Variants in BCOR observed in about 807,000 individuals in gnomAD.
The protein encoded by BCOR is BCL-6 corepressor.
Under a neutral mutation model 86.7 loss-of-function variants are expected in BCOR, and 10 were observed. The observed-to-expected ratio is 0.12, with a 90% CI of 0.07 to 0.20. The LOEUF (loss-of-function observed/expected upper bound fraction) is 0.20. Among genes scored for constraint, BCOR ranks in the 10% least tolerant of loss-of-function variants. BCOR has a pLI of 1.00. For missense variants in BCOR, 1,259 were observed against 1,452.1 expected, an observed-to-expected ratio of 0.87 and a Z score of 2.16; for synonymous variants, 611 against 609.0, an observed-to-expected ratio of 1.00 and a Z score of -0.05.
chrX:40,161,506 CTTTTTTT>C (rs749528691), intron 1 of BCOR, among the ~76,000 whole-genome samples: 2 of 55,987 alleles, frequency 3.6e-5, no homozygotes, highest in Non-Finnish European at 3.1e-5. Flanking sequence ...CGATTCTCCC[CTTTTTTT>C]TTTTTTTTTT....
chrX:40,110,246 TA>T (rs1054938389), intron 1 of BCOR, among the ~76,000 whole-genome samples: 5 of 111,531 alleles, frequency 4.5e-5, no homozygotes, highest in Admixed American at 2.8e-4. Context: ...TATGGTCTAT[TA>T]GGGGAAGTAA....
At chrX:40,056,776 G>A (rs978188579) in intron 11 of BCOR, among the ~76,000 whole-genome samples, 3 of 111,282 alleles carry the variant, frequency 2.7e-5, no homozygotes, top group Non-Finnish European at 5.7e-5. Flanking sequence ...CTGAACCAGC[G>A]GAGGGGCAGC....
At chrX:40,135,762 G>A (rs1937668495) in intron 1 of BCOR, among the ~76,000 whole-genome samples, 1 of 111,686 alleles carries the variant, frequency 9.0e-6, no homozygotes, top group South Asian at 3.8e-4. Flanking sequence ...GAGATTGGCG[G>A]CAATGACCCA....
At chrX:40,137,372 C>A (rs982348411) in intron 1 of BCOR, among the ~76,000 whole-genome samples, 4 of 109,474 alleles carry the variant, frequency 3.7e-5, no homozygotes, top group African/African-American at 6.7e-5. Context: ...CATGGTGAAA[C>A]CCCGTCTCTA....
rs1934547487 is a variant in BCOR, at chrX:40,055,492, C to T, written c.4617G>A (p.Glu1539=). The change falls in exon 12 of 15, where the codon GAG becomes GAA. Residue 1539 remains glutamate, a synonymous_variant. Transcript: ENST00000378444. ...DGTRPLHDAV[E]NDHLEIVRLL... ...GTCGGACAATTTCCAAGTGATCGTT[C>T]TCAACAGCATCGTGCAGAGGCCTAG... The T allele has an allele frequency of 8.3e-7, 1 of 1,209,990 alleles. No individual in the cohort carries two copies. The highest frequency in any genetic ancestry group is 1.8e-5 in the South Asian group (1 of 56,820).
At chrX:40,064,246 C>A in intron 7 of BCOR, 90 bp downstream of exon 7, 1 of 1,156,594 alleles carries the variant, frequency 8.6e-7, no homozygotes, top group Non-Finnish European at 1.2e-6. Context: ...ACGGGGGCAG[C>A]GCGCCGCACA....
intron 1 of BCOR, among the ~76,000 whole-genome samples, chrX:40,106,699 C>T (rs998312649): frequency 1.8e-5 from 2 of 113,039 alleles, no homozygotes; most frequent in African/African-American, 6.4e-5. Flanking sequence ...CCTTTGTTTT[C>T]GGGGTCTATA....
chrX:40,098,251 G>A (rs1163831461), upstream of BCOR, among the ~76,000 whole-genome samples: 1 of 109,153 alleles, frequency 9.2e-6, no homozygotes, highest in Non-Finnish European at 1.9e-5. Context: ...AGTTTCCCCG[G>A]CCGTCATCGA....
Position 40,075,096 on chromosome X carries a change from C to G in BCOR, c.250G>C (p.Val84Leu), listed in dbSNP as rs747983005. Residue 84 changes from valine to leucine, a missense_variant, in exon 4 of 15, where the codon GTC (valine) becomes CTC (leucine). By Grantham distance (32) the Val-to-Leu change is conservative. This residue lies in a region of BCOR where 174 missense variants were observed against 189.3 expected (regional missense o/e 0.92). Transcript: ENST00000378444. ...RTGLIREGLRVPGNIVYSSLC... is the reference protein window; with the variant it reads ...RTGLIREGLRLPGNIVYSSLC... Reference sequence around the variant, plus strand: ...CTAGAATAGACGATGTTTCCCGGGACCCGCAGCCCTTCCCGGATCAGGCCA... The same window carrying G: ...CTAGAATAGACGATGTTTCCCGGGAGCCGCAGCCCTTCCCGGATCAGGCCA... 2 of 1,209,007 alleles carry G rather than the reference C, an allele frequency of 1.7e-6. No individual in the cohort carries two copies. Among genetic ancestry groups the G allele is most frequent in the African/African-American group, 3.5e-5 (2 of 57,564 alleles).
At chrX:40,137,280 C>A (rs1250814588) in intron 1 of BCOR, among the ~76,000 whole-genome samples, 1 of 111,958 alleles carries the variant, frequency 8.9e-6, no homozygotes, top group African/African-American at 3.3e-5. Context: ...GGCACGGTGA[C>A]TCACGCCTGT....
At position 40,052,073 on chromosome X, in the gene BCOR, C is replaced by T; in HGVS notation, c.*36G>A. ...TATGACACATATGCACAAGGATTAACACTATAACACACTGTACATGGTGGG... is the reference window on the plus strand; with the variant it reads ...TATGACACATATGCACAAGGATTAATACTATAACACACTGTACATGGTGGG... On this transcript the variant is annotated 3_prime_UTR_variant, in exon 15 of 15. Transcript: ENST00000378444. 1 of 1,121,542 alleles carries T rather than the reference C, an allele frequency of 8.9e-7. No homozygotes were observed. Among genetic ancestry groups the T allele is most frequent in the Non-Finnish European group, 1.2e-6 (1 of 840,520 alleles). The allele number at this position is 1,121,542 out of a possible 1,213,427, so 92.4% of individuals were successfully genotyped here. A position where few individuals can be genotyped will look rare whatever the true frequency, so the allele number is the denominator to read the frequency against.
chrX:40,072,458 G>A lies in BCOR; in HGVS notation c.2888C>T (p.Ala963Val), dbSNP rs760354436. ...KVLKPKPSKLAKRIANSAGYV... is the reference protein window; with the variant it reads ...KVLKPKPSKLVKRIANSAGYV... ...ACCCGCTGAGTTGGCGATTCTCTTT[G>A]CCAGCTTAGATGGCTTCGGTTTCAG... Residue 963 changes from alanine to valine, a missense_variant, in exon 4 of 15, where the codon GCA (alanine) becomes GTA (valine). By Grantham distance (64) the Ala-to-Val change is moderately conservative. This residue lies in a region of BCOR where 56 missense variants were observed against 106.6 expected (regional missense o/e 0.53). Coordinates refer to ENST00000378444, the MANE Select transcript of BCOR (RefSeq NM_001123385.2). The A allele has an allele frequency of 8.3e-7, 1 of 1,211,531 alleles. No homozygotes were observed. Among genetic ancestry groups the A allele is most frequent in the South Asian group, 1.8e-5 (1 of 56,884 alleles).
intron 2 of BCOR, chrX:40,077,104 C>T: frequency 4.0e-6 from 1 of 246,943 alleles, no homozygotes; most frequent in Non-Finnish European, 7.5e-6. Context: ...CAGGGGGATA[C>T]ACACTAGTAT....
chrX:40,155,023 G>A (rs1176359363), intron 1 of BCOR, among the ~76,000 whole-genome samples: 5 of 110,863 alleles, frequency 4.5e-5, no homozygotes, highest in East Asian at 5.8e-4. Context: ...GCCCGCCGCG[G>A]CCCGCAGTGC....
chrX:40,161,292 C>T (rs1322892912), intron 1 of BCOR, among the ~76,000 whole-genome samples: 8 of 107,800 alleles, frequency 7.4e-5, no homozygotes, highest in Admixed American at 3.0e-4. Context: ...CTGCAACCTC[C>T]GCCTGCCAGG....
chrX:40,066,024 G>C (rs1935183142), intron 6 of BCOR, among the ~76,000 whole-genome samples: 1 of 110,882 alleles, frequency 9.0e-6, no homozygotes, highest in Non-Finnish European at 1.9e-5. Context: ...TTCTCTTCAA[G>C]GGTGTTCTAA....
chrX:40,079,448 C>A (rs1291678241), intron 1 of BCOR, among the ~76,000 whole-genome samples: 1 of 111,793 alleles, frequency 8.9e-6, no homozygotes, highest in East Asian at 2.8e-4. Flanking sequence ...TTTCTCATTT[C>A]TTTGTCCTAA....
intron 1 of BCOR, among the ~76,000 whole-genome samples, chrX:40,084,636 G>A (rs1380890506): frequency 9.0e-6 from 1 of 111,097 alleles, no homozygotes; most frequent in African/African-American, 3.3e-5. Flanking sequence ...GCCTCCAAAG[G>A]CTGTGTCAAT....
intron 1 of BCOR, among the ~76,000 whole-genome samples, chrX:40,106,698 T>A (rs899881038): frequency 8.8e-6 from 1 of 113,053 alleles, no homozygotes. Context: ...CCCTTTGTTT[T>A]CGGGGTCTAT....
Sources: gnomAD v4.1 joint callset for allele counts (sites outside exome capture counted in the v4.1 genomes callset) on GRCh38, gnomAD v4.1.1 for gene constraint, gnomAD v4.1.1 regional missense constraint, MANE v1.5 for transcripts, NCBI Gene and HGNC (gene_info 2026-07-23, HGNC 2026-07-21) for gene names.